The following CHL1 variants were observed in gnomAD, a reference collection of about 807,000 sequenced individuals.
The protein encoded by CHL1 is neural cell adhesion molecule L1-like protein.
Under a neutral mutation model 141.9 loss-of-function variants are expected in CHL1, and 96 were observed. That is an observed-to-expected ratio of 0.68 (90% CI 0.57 to 0.80). The LOEUF is 0.80. Ranked by LOEUF, CHL1 falls within the 30% of genes least tolerant of loss-of-function variation. The probability of loss-of-function intolerance (pLI) is 0.00; values close to 1 mark genes in which losing one functional copy is unlikely to be tolerated. For missense variants in CHL1, 1,820 were observed against 1,457.2 expected, an observed-to-expected ratio of 1.25 and a Z score of -4.05; for synonymous variants, 613 against 502.2, an observed-to-expected ratio of 1.22 and a Z score of -2.95.
intron 26 of CHL1, 64 bp from the exon 27 acceptor site, chr3:401,562 C>T (rs972460735): frequency 6.6e-6 from 6 of 907,718 alleles, no homozygotes; most frequent in South Asian, 2.8e-5. Flanking sequence ...TATTCCACAG[C>T]ACTGGTAAAA....
chr3:240,777 GT>G (rs1692482407), intron 1 of CHL1, among the ~76,000 whole-genome samples: 1 of 115,866 alleles, frequency 8.6e-6, no homozygotes, highest in Non-Finnish European at 2.1e-5. Context: ...TTTGTATAAG[GT>G]AGGAGATGAG....
chr3:404,565 A>G (rs956606364), intron 27 of CHL1, among the ~76,000 whole-genome samples: 2 of 152,200 alleles, frequency 1.3e-5, no homozygotes, highest in Non-Finnish European at 2.9e-5. Flanking sequence ...TAAATATAGT[A>G]TACTTATTTA....
At chr3:327,534 C>T (rs373034000) in intron 4 of CHL1, among the ~76,000 whole-genome samples, 3 of 151,580 alleles carry the variant, frequency 2.0e-5, no homozygotes, top group East Asian at 1.9e-4. Flanking sequence ...AATATTTGGA[C>T]AAGTACCAAA....
rs140964097 is a variant in CHL1, at chr3:313,413, A to G, written c.-94-6270A>G. Among the ~76,000 whole-genome samples the G allele has an allele frequency of 5.3e-5, 8 of 152,332 alleles. No individual in the cohort carries two copies. In the East Asian group the frequency reaches 1.5e-3, roughly 29 times the overall value. On this transcript the variant is annotated intron_variant, in intron 2 of 27. Transcript: ENST00000256509. ...ATTCTATTTCCCTCTAGGATAAAGT[A>G]GAAACCTCTTTTTTTAAATTCCAGC...
chr3:275,587 G>C (rs150741793), intron 2 of CHL1, among the ~76,000 whole-genome samples: 387 of 152,314 alleles, frequency 2.5e-3, no homozygotes, highest in Admixed American at 5.6e-3. Flanking sequence ...TGCAGAGAAA[G>C]CTAGCAGATG....
chr3:206,337 A>G (rs1355611559), intron 1 of CHL1, among the ~76,000 whole-genome samples: 2 of 152,072 alleles, frequency 1.3e-5, no homozygotes, highest in South Asian at 2.1e-4. Context: ...GCATGATGGC[A>G]TGCCTGTAAT....
intron 27 of CHL1, among the ~76,000 whole-genome samples, chr3:405,043 C>G (rs75812709): frequency 0.014 from 2,121 of 152,178 alleles, 56 homozygotes; most frequent in African/African-American, 0.048. Context: ...TCTAAGGGCA[C>G]TAATATCATT....
At chr3:308,927 G>A in intron 2 of CHL1, 1 of 158,302 alleles carries the variant, frequency 6.3e-6, no homozygotes. Flanking sequence ...ATCGTTTTTT[G>A]TTTAAAATCT....
intron 2 of CHL1, among the ~76,000 whole-genome samples, chr3:261,216 C>T: frequency 6.6e-6 from 1 of 152,066 alleles, no homozygotes; most frequent in East Asian, 1.9e-4. Context: ...AGCCCCTGAT[C>T]TGTTTAGCAT....
intron 2 of CHL1, among the ~76,000 whole-genome samples, chr3:301,066 C>A (rs1358175111): frequency 6.6e-6 from 1 of 152,118 alleles, no homozygotes; most frequent in Admixed American, 6.6e-5. Context: ...TGAGTAATGA[C>A]ATGCCATTGA....
At chr3:308,170 A>T (rs746713744) in intron 2 of CHL1, among the ~76,000 whole-genome samples, 9 of 152,238 alleles carry the variant, frequency 5.9e-5, no homozygotes, top group Non-Finnish European at 7.3e-5. Context: ...TGAATGAGAA[A>T]ATAAAAGGAA....
intron 2 of CHL1, among the ~76,000 whole-genome samples, chr3:267,744 A>G (rs886611114): frequency 1.3e-5 from 2 of 152,194 alleles, no homozygotes; most frequent in African/African-American, 4.8e-5. Context: ...GAAAAATGTG[A>G]AAGATTATAC....
At chr3:368,353 G>A (rs902499785) in intron 15 of CHL1, among the ~76,000 whole-genome samples, 1 of 152,124 alleles carries the variant, frequency 6.6e-6, no homozygotes, top group African/African-American at 2.4e-5. Flanking sequence ...GATCGGTCAT[G>A]TTGAGCTTTT....
intron 15 of CHL1, among the ~76,000 whole-genome samples, chr3:374,461 A>G (rs1706045025): frequency 6.6e-6 from 1 of 152,132 alleles, no homozygotes; most frequent in Non-Finnish European, 1.5e-5. Context: ...GAAGGGAATC[A>G]GAGACCCATG....
At chr3:265,980 G>T (rs4684347) in intron 2 of CHL1, among the ~76,000 whole-genome samples, 1 of 152,122 alleles carries the variant, frequency 6.6e-6, no homozygotes, top group Non-Finnish European at 1.5e-5. Context: ...TGAAGCCAGT[G>T]GTGGTTCTTA....
intron 5 of CHL1, among the ~76,000 whole-genome samples, chr3:337,308 A>C (rs532893947): frequency 1.1e-4 from 16 of 149,270 alleles, no homozygotes; most frequent in Non-Finnish European, 5.9e-5. Flanking sequence ...CTCCTGCCTC[A>C]GCCTCCCGAG....
intron 19 of CHL1, among the ~76,000 whole-genome samples, chr3:387,560 A>G (rs1484060720): frequency 6.6e-6 from 1 of 152,196 alleles, no homozygotes; most frequent in African/African-American, 2.4e-5. Flanking sequence ...AAAATTTGTC[A>G]GAGAACTTTA....
Position 328,365 on chromosome 3 carries a change from T to C in CHL1, c.385+11T>C, listed in dbSNP as rs769355751. 1.9e-6 allele frequency: 3 copies of C among 1,594,954 alleles called. No individual in the cohort carries two copies. Among genetic ancestry groups the C allele is most frequent in the East Asian group, 2.2e-5 (1 of 44,532 alleles). The stretch of plus-strand genomic sequence containing the variant: ...AATTTATAGTTCCAAGTAAGTACTA[T>C]AACGGGAATTTCATTTTACAAGTGT... On this transcript the variant is annotated intron_variant, in intron 5 of 27. Coordinates refer to ENST00000256509, the MANE Select transcript of CHL1 (RefSeq NM_006614.4).
chr3:258,813 C>T (rs1218660319), intron 2 of CHL1, among the ~76,000 whole-genome samples: 1 of 151,902 alleles, frequency 6.6e-6, no homozygotes. Context: ...TTTATCCATA[C>T]CCTAAGGTTA....
Sources: allele counts gnomAD v4.1 joint callset (sites outside exome capture counted in the v4.1 genomes callset), GRCh38; gene constraint gnomAD v4.1.1; transcripts MANE v1.5; gene names NCBI Gene and HGNC (gene_info 2026-07-23, HGNC 2026-07-21).